Variants in PCDH15 observed in about 807,000 individuals in gnomAD.
PCDH15 encodes the protein protocadherin related 15.
A neutral mutation model predicts 178.5 loss-of-function variants in PCDH15; 129 were observed. The ratio of observed to expected loss-of-function variants is 0.72; its 90% confidence interval spans 0.63 to 0.84. The LOEUF is 0.84. Ranked by LOEUF, PCDH15 falls within the 40% of genes least tolerant of loss-of-function variation. The pLI is 0.00. For missense variants in PCDH15, 2,230 were observed against 2,099.9 expected (o/e 1.06, Z -1.21); for synonymous variants, 800 against 732.0 (o/e 1.09, Z -1.50).
intron 1 of PCDH15, among the ~76,000 whole-genome samples, chr10:54,718,902 G>T (rs2095513013): frequency 6.6e-6 from 1 of 151,584 alleles, no homozygotes; most frequent in African/African-American, 2.4e-5. Flanking sequence ...TCACTATGTT[G>T]GCCAGGCTGG....
Position 55,602,486 on chromosome 10 carries a change from CT to C in PCDH15, c.-156+25138del, listed in dbSNP as rs1473165781. On this transcript the variant is annotated intron_variant, in intron 2 of 5. Transcript: ENST00000613346. ...GTAACCTCTGCAGACTTAAATGTCC[CT>C]GTCTGACAGCTTTGAAGAGAGCAGT... 3.9e-5 allele frequency among the ~76,000 whole-genome samples: 6 copies of C among 152,126 alleles called. No individual in the cohort carries two copies. In the East Asian group the frequency reaches 1.2e-3, roughly 29 times the overall value.
chr10:54,275,484 A>C (rs1029516324), intron 8 of PCDH15, among the ~76,000 whole-genome samples: 3 of 151,918 alleles, frequency 2.0e-5, no homozygotes, highest in Admixed American at 6.6e-5. Context: ...TGATATGCCA[A>C]TTCTCTGGAC....
At chr10:55,623,312 T>G (rs1837447237) in intron 2 of PCDH15, among the ~76,000 whole-genome samples, 1 of 152,154 alleles carries the variant, frequency 6.6e-6, no homozygotes, top group African/African-American at 2.4e-5. Flanking sequence ...TAGGTTGTAG[T>G]GGTTTTTTTG....
chr10:53,863,864 AG>A (rs941097240), intron 27 of PCDH15, among the ~76,000 whole-genome samples: 5 of 152,182 alleles, frequency 3.3e-5, no homozygotes, highest in Admixed American at 6.5e-5. Flanking sequence ...GCCAGAAAGA[AG>A]GCAAAGAATG....
intron 1 of PCDH15, among the ~76,000 whole-genome samples, chr10:54,796,426 C>G (rs1477671730): frequency 6.6e-6 from 1 of 151,182 alleles, no homozygotes; most frequent in African/African-American, 2.4e-5. Context: ...CTTTCTGTCT[C>G]TATATCCCTT....
At chr10:54,843,139 G>A (rs1299153373) in intron 3 of PCDH15, among the ~76,000 whole-genome samples, 2 of 151,892 alleles carry the variant, frequency 1.3e-5, no homozygotes, top group African/African-American at 4.8e-5. Flanking sequence ...GCCCTTAAAA[G>A]TCAATCTTAA....
intron 26 of PCDH15, among the ~76,000 whole-genome samples, chr10:53,875,959 G>A (rs7097365): frequency 0.71 from 108,250 of 151,960 alleles, 38,822 homozygotes; most frequent in East Asian, 0.86. Context: ...TTAAAGTTCA[G>A]TAATGCCAAG....
chr10:54,301,848 C>T (rs1200573744), intron 8 of PCDH15, among the ~76,000 whole-genome samples: 1 of 152,144 alleles, frequency 6.6e-6, no homozygotes, highest in Non-Finnish European at 1.5e-5. Flanking sequence ...TAGCACCCAC[C>T]ACATCTATAA....
At chr10:55,458,053 G>A (rs922564480) in intron 2 of PCDH15, among the ~76,000 whole-genome samples, 13 of 151,980 alleles carry the variant, frequency 8.6e-5, no homozygotes, top group Non-Finnish European at 2.9e-5. Context: ...GGAAATATTA[G>A]ATAATATATA....
At chr10:54,040,250 T>G (rs891842206) in intron 18 of PCDH15, among the ~76,000 whole-genome samples, 1 of 151,932 alleles carries the variant, frequency 6.6e-6, no homozygotes, top group Non-Finnish European at 1.5e-5. Flanking sequence ...TCCCATGTGT[T>G]GTGGGTGGGA....
intron 32 of PCDH15, chr10:53,825,076 T>C (rs186681836): frequency 1.6e-5 from 23 of 1,456,612 alleles, no homozygotes; most frequent in Non-Finnish European, 2.1e-5. Context: ...AGCATTTTAA[T>C]CTGTTCTATT....
At chr10:54,501,898 T>TTGCA (rs780586001) in intron 3 of PCDH15, among the ~76,000 whole-genome samples, 11 of 152,252 alleles carry the variant, frequency 7.2e-5, no homozygotes, top group African/African-American at 9.6e-5. Context: ...TTTCCAATTT[T>TTGCA]TGCATGCATG....
intron 3 of PCDH15, among the ~76,000 whole-genome samples, chr10:54,455,549 C>A (rs2076760622): frequency 6.6e-6 from 1 of 152,050 alleles, no homozygotes; most frequent in Admixed American, 6.6e-5. Context: ...GAACTTTGAA[C>A]TTGAGAGAGA....
chr10:54,314,416 AGC>A (rs965913192), intron 8 of PCDH15, among the ~76,000 whole-genome samples: 7 of 152,072 alleles, frequency 4.6e-5, no homozygotes, highest in African/African-American at 7.2e-5. Context: ...TTTTAATGCC[AGC>A]GTAATATACT....
At chr10:54,373,203 G>C (rs1194297319) in intron 4 of PCDH15, among the ~76,000 whole-genome samples, 1 of 151,610 alleles carries the variant, frequency 6.6e-6, no homozygotes, top group Non-Finnish European at 1.5e-5. Flanking sequence ...TGGGGGGCAG[G>C]GAATGCATTT....
At chr10:54,418,725 T>A (rs1954810343) in intron 3 of PCDH15, among the ~76,000 whole-genome samples, 1 of 151,882 alleles carries the variant, frequency 6.6e-6, no homozygotes, top group African/African-American at 2.4e-5. Context: ...TAATAATAAT[T>A]TGGGGGTGAG....
At chr10:55,154,070 T>C (rs1295077927) in intron 2 of PCDH15, among the ~76,000 whole-genome samples, 3 of 152,142 alleles carry the variant, frequency 2.0e-5, no homozygotes, top group African/African-American at 7.2e-5. Flanking sequence ...TCCTATACAA[T>C]TTTCCTATTA....
chr10:54,005,574 TC>T (rs1230611007), intron 20 of PCDH15, among the ~76,000 whole-genome samples: 2 of 152,124 alleles, frequency 1.3e-5, no homozygotes, highest in Non-Finnish European at 2.9e-5. Context: ...ACATCATTGA[TC>T]ATCAGAGAAA....
intron 2 of PCDH15, among the ~76,000 whole-genome samples, chr10:54,914,722 TA>T (rs1478883910): frequency 6.6e-6 from 1 of 152,186 alleles, no homozygotes; most frequent in Non-Finnish European, 1.5e-5. Flanking sequence ...TTAGATAATC[TA>T]CATAAGGCTT....
Sources: allele counts gnomAD v4.1 joint callset (sites outside exome capture counted in the v4.1 genomes callset), GRCh38; gene constraint gnomAD v4.1.1; transcripts MANE v1.5; gene names NCBI Gene and HGNC (gene_info 2026-07-23, HGNC 2026-07-21).